Variants in CYB5R2 observed in about 807,000 individuals in gnomAD.
CYB5R2 encodes NADH-cytochrome b5 reductase 2.
A neutral mutation model predicts 29.8 loss-of-function variants in CYB5R2; 35 were observed. That is an observed-to-expected ratio of 1.17 (90% CI 0.90 to 1.56). CYB5R2 has a LOEUF of 1.56. CYB5R2 is among the 40% of genes most tolerant of loss of function. The pLI is 0.00. For missense variants in CYB5R2, 419 were observed against 346.7 expected, an observed-to-expected ratio of 1.21 and a Z score of -1.66; for synonymous variants, 169 against 130.6, an observed-to-expected ratio of 1.29 and a Z score of -2.01.
intron 3 of CYB5R2, chr11:7,670,643 C>T (rs541157731): frequency 1.3e-5 from 2 of 152,284 alleles, no homozygotes; most frequent in East Asian, 3.9e-4. Context: ...CTCTGCCCTT[C>T]CTGGGTAGAA....
chr11:7,667,432 C>A (rs997807416), intron 7 of CYB5R2: 11 of 248,280 alleles, frequency 4.4e-5, no homozygotes, highest in Non-Finnish European at 6.8e-5. Flanking sequence ...TCTGAAGTGT[C>A]CACTGAGGAC....
chr11:7,672,621 A>AACACAC, intron 2 of CYB5R2, 98 bp from the exon 3 acceptor site: 3 of 820,526 alleles, frequency 3.7e-6, no homozygotes, highest in South Asian at 2.0e-5. Context: ...GCGCTATTCC[A>AACACAC]GCACACACAC....
intron 3 of CYB5R2, 65 bp downstream of exon 3, chr11:7,672,386 T>C (rs1243444471): frequency 9.8e-6 from 14 of 1,424,636 alleles, no homozygotes; most frequent in Non-Finnish European, 1.4e-5. Context: ...CCTGTGTTTC[T>C]GTTAAGAGAG....
intron 3 of CYB5R2, chr11:7,670,563 AAAC>A (rs1855667534): frequency 2.6e-5 from 4 of 152,346 alleles, no homozygotes; most frequent in African/African-American, 4.8e-5. Context: ...GGAGCAAATG[AAAC>A]AACAATATCA....
chr11:7,669,396 T>G (rs117283049), intron 4 of CYB5R2, 62 bp from the exon 5 acceptor site: 58,442 of 1,546,458 alleles, frequency 0.038, 1,298 homozygotes, highest in Middle Eastern at 0.08. Flanking sequence ...CACGTACAAC[T>G]AGAAAATGCA....
chr11:7,673,089 C>T (rs1855861178), intron 1 of CYB5R2, 198 bp from the exon 2 acceptor site: 1 of 518,256 alleles, frequency 1.9e-6, no homozygotes, highest in African/African-American at 1.9e-5. Flanking sequence ...GAGGGGTCAG[C>T]TGCAGGTCAC....
At chr11:7,668,729 T>A (rs1855523745) in intron 5 of CYB5R2, 168 bp from the exon 6 acceptor site, 1 of 658,796 alleles carries the variant, frequency 1.5e-6, no homozygotes, top group Non-Finnish European at 2.7e-6. Context: ...CTAGCCCTGG[T>A]GCTCCAGTGC....
chr11:7,669,844 A>C (rs981447987), intron 3 of CYB5R2, 113 bp from the exon 4 acceptor site: 1 of 769,878 alleles, frequency 1.3e-6, no homozygotes, highest in African/African-American at 1.7e-5. Context: ...CAATGTTAAG[A>C]GGGGTGGGAA....
chr11:7,674,059 TG>T (rs945949083), upstream of CYB5R2: 2 of 1,190,576 alleles, frequency 1.7e-6, no homozygotes, highest in African/African-American at 3.2e-5. Flanking sequence ...CTCTGCATCC[TG>T]GCCCCTTCCC....
rs1565157491 is a variant in CYB5R2, at chr11:7,672,542, G to C, written c.79-19C>G. ...TGATTTTCTGATAAAACAAAACATA[G>C]GCAGGTTCTGTCAGCTTTCTAGAAG... is the stretch of plus-strand genomic sequence containing the variant. On this transcript the variant is annotated intron_variant, in intron 2 of 8. Transcript: ENST00000299498. 6.2e-7 allele frequency: 1 copy of C among 1,613,110 alleles called. No individual in the cohort carries two copies. Among genetic ancestry groups the C allele is most frequent in the Non-Finnish European group, 8.5e-7 (1 of 1,179,114 alleles).
At chr11:7,674,012 G>A (rs1855934083), upstream of CYB5R2, 3 of 1,153,930 alleles carry the variant, frequency 2.6e-6, no homozygotes, top group South Asian at 5.1e-5. Context: ...AGGCTGGCGG[G>A]GCGCTGAGCC....
rs574921314 is a variant in CYB5R2 at position 7,668,422 on chromosome 11, A to G, written c.472+56T>C. ...CCCTTAGAGGATCAAATGACTCCCA[A>G]GTCAGAATGGGTCTCGGGGCTCACT... is the stretch of plus-strand genomic sequence containing the variant. On this transcript the variant is annotated intron_variant, in intron 6 of 8. Transcript: ENST00000299498. 9 of 1,356,210 alleles carry G rather than the reference A, an allele frequency of 6.6e-6. No homozygotes were observed. The Admixed American group carries it at 8.4e-5, about 13-fold the overall frequency. The allele number at this position is 1,356,210 out of a possible 1,614,324, so 84.0% of individuals were successfully genotyped here. A position where few individuals can be genotyped will look rare whatever the true frequency, so the allele number is the denominator to read the frequency against.
At chr11:7,669,889 C>T in intron 3 of CYB5R2, 158 bp from the exon 4 acceptor site, 1 of 629,114 alleles carries the variant, frequency 1.6e-6, no homozygotes, top group Admixed American at 2.6e-5. Flanking sequence ...ATATGGGATG[C>T]CCGGATCCTA....
At chr11:7,665,969 A>T in intron 8 of CYB5R2, 3 of 1,496,624 alleles carry the variant, frequency 2.0e-6, no homozygotes, top group South Asian at 2.4e-5. Flanking sequence ...AGCCGGGAGC[A>T]GTGTGAGAGG....
chr11:7,667,169 G>A (rs1198624524), intron 7 of CYB5R2: 1 of 152,206 alleles, frequency 6.6e-6, no homozygotes, highest in Non-Finnish European at 1.5e-5. Flanking sequence ...TAATCTAAAA[G>A]TAATCAAGCG....
rs1394590540 is a variant in CYB5R2, at chr11:7,672,910, A to G, written c.-66-19T>C. On this transcript the variant is annotated intron_variant, in intron 1 of 8. Coordinates refer to ENST00000299498, the MANE Select transcript of CYB5R2 (RefSeq NM_016229.5). ...ACGGGTCCTGGCAGACACAATGTGA[A>G]CAGAGCACCTCAGGTCTTGCCCGCC... 1.2e-6 allele frequency: 2 copies of G among 1,604,318 alleles called. No homozygotes were observed. The highest frequency in any genetic ancestry group is 1.7e-6 in the Non-Finnish European group (2 of 1,175,308).
chr11:7,672,355 C>A, intron 3 of CYB5R2, 96 bp downstream of exon 3: 2 of 1,058,148 alleles, frequency 1.9e-6, no homozygotes, highest in East Asian at 2.4e-5. Context: ...GGGCATCTTC[C>A]ACACCTCAGG....
Position 7,667,826 on chromosome 11 carries a change from G to A in CYB5R2, c.473-13C>T. 1.2e-6 allele frequency: 2 copies of A among 1,611,884 alleles called. No homozygotes were observed. Among genetic ancestry groups the A allele is most frequent in the South Asian group, 1.1e-5 (1 of 91,048 alleles). Reference sequence around the variant, plus strand: ...ATGGGTGTGATGCCTGGAACACAGTGAGCGAGCAGCCAGCTTTCTCCCTGT... The same window carrying A: ...ATGGGTGTGATGCCTGGAACACAGTAAGCGAGCAGCCAGCTTTCTCCCTGT... On this transcript the variant is annotated splice_polypyrimidine_tract_variant and intron_variant, in intron 6 of 8. Transcript: ENST00000299498.
Position 7,665,425 on chromosome 11 carries a change from G to A in CYB5R2, c.780C>T (p.His260=), listed in dbSNP as rs763118508. The change falls in exon 9 of 9, where the codon CAC becomes CAT. Residue 260 remains histidine, a synonymous_variant. Coordinates refer to ENST00000299498, the MANE Select transcript of CYB5R2 (RefSeq NM_016229.5). ...TATAACCCAGCTTCTCCAGGTTAGG[G>A]TGAGCCGCCGTCTGGATTAGTGGTG... ...GPPPLIQTAA[H]PNLEKLGYTQ... 4.3e-6 allele frequency: 7 copies of A among 1,611,334 alleles called. No homozygotes were observed. In the Admixed American group the frequency reaches 8.4e-5, roughly 19 times the overall value.
Sources: gnomAD v4.1 joint callset for allele counts on GRCh38, gnomAD v4.1.1 for gene constraint, MANE v1.5 for transcripts, NCBI Gene and HGNC (gene_info 2026-07-23, HGNC 2026-07-21) for gene names.